Variants in FGA observed in about 807,000 individuals in gnomAD.
FGA encodes fibrinogen, A alpha polypeptide.
A neutral mutation model predicts 20.3 loss-of-function variants in FGA; 20 were observed. That is an observed-to-expected ratio of 0.99 (90% CI 0.69 to 1.43). The LOEUF (loss-of-function observed/expected upper bound fraction) is 1.43, where lower values mean the gene tolerates loss of function less well. FGA is among the 40% of genes most tolerant of loss of function. FGA has a pLI of 0.00. For synonymous variants in FGA, 306 were observed against 281.6 expected, an observed-to-expected ratio of 1.09 and a Z score of -0.87; for missense variants, 777 against 784.7, an observed-to-expected ratio of 0.99 and a Z score of 0.12.
rs1295004404 is a variant in FGA at position 154,590,724 on chromosome 4, C to G, written c.-37G>C. On this transcript the variant is annotated 5_prime_UTR_variant, in exon 1 of 5. Coordinates refer to ENST00000403106, the MANE Select transcript of FGA (RefSeq NM_021871.4). Reference sequence around the variant, plus strand: ...GTGGGGCTGGCTCCTGAGGAGCACTCCAGCTGAAAGAAAGGATTGCTGCCA... The same window carrying G: ...GTGGGGCTGGCTCCTGAGGAGCACTGCAGCTGAAAGAAAGGATTGCTGCCA... The G allele has an allele frequency of 2.7e-6, 4 of 1,499,056 alleles. No homozygotes were observed. Among genetic ancestry groups the G allele is most frequent in the Non-Finnish European group, 2.7e-6 (3 of 1,099,044 alleles). 92.9% of individuals were successfully genotyped at this position (1,499,056 alleles called of 1,614,324 possible).
intron 3 of FGA, 110 bp from the exon 4 acceptor site, chr4:154,587,767 GAAA>G (rs1292376086): frequency 6.3e-6 from 4 of 632,894 alleles, no homozygotes; most frequent in Non-Finnish European, 1.1e-5. Flanking sequence ...AAGAAAGAAA[GAAA>G]GAAAGAAAGA....
intron 3 of FGA, 127 bp from the exon 4 acceptor site, chr4:154,587,784 AAAG>A (rs1730771668): frequency 1.4e-6 from 1 of 727,490 alleles, no homozygotes; most frequent in African/African-American, 1.8e-5. Context: ...AGAAAGAAAG[AAAG>A]AAAGAAAGAA....
In FGA at chr4:154,587,688, C is replaced by T. The variant is rs765774596; in HGVS notation, c.365-31G>A. ...ATCGAAAATATGGTTATTGAAGTAG[C>T]TGCTGAGTGATTTGTCTGTAATTGC... On this transcript the variant is annotated intron_variant, in intron 3 of 4. Coordinates refer to ENST00000403106, the MANE Select transcript of FGA (RefSeq NM_021871.4). The T allele has an allele frequency of 3.1e-6, 5 of 1,603,610 alleles. No homozygotes were observed. The African/African-American group carries it at 6.8e-5, about 22-fold the overall frequency.
downstream of FGA, chr4:154,584,790 A>C: frequency 6.2e-7 from 1 of 1,614,044 alleles, no homozygotes. Flanking sequence ...TGAAAATGCC[A>C]CTTTGGGTAC....
chr4:154,587,305 A>G (rs1730750658), intron 4 of FGA, among the ~76,000 whole-genome samples: 1 of 152,168 alleles, frequency 6.6e-6, no homozygotes, highest in Admixed American at 6.5e-5. Context: ...TTTGAAATTT[A>G]CTATCTATGT....
chr4:154,584,829 A>G (rs1244146664), downstream of FGA: 4 of 1,609,970 alleles, frequency 2.5e-6, no homozygotes, highest in African/African-American at 4.0e-5. Context: ...GGACATCATC[A>G]CAGTCTAAAA....
At chr4:154,584,652 G>T, downstream of FGA, 5 of 1,614,076 alleles carry the variant, frequency 3.1e-6, no homozygotes, top group Non-Finnish European at 4.2e-6. Flanking sequence ...CTCTCTTGTA[G>T]TCTTGCCAGG....
Position 154,590,653 on chromosome 4 carries a change from C to G in FGA, c.35G>C (p.Ser12Thr). Residue 12 changes from serine to threonine, a missense_variant, in exon 1 of 5, where the codon AGT (serine) becomes ACT (threonine). Ser to Thr is a moderately conservative substitution (Grantham distance 58). Coordinates refer to ENST00000403106, the MANE Select transcript of FGA (RefSeq NM_021871.4). ...FSMRIVCLVL[S>T]VVGTAWTADS... The stretch of plus-strand genomic sequence containing the variant: ...CCATACCCATGCTGTGCCCACCACA[C>G]TTAGGACCAGGCAGACGATCCTCAT... 6.4e-7 allele frequency: 1 copy of G among 1,558,724 alleles called. No homozygotes were observed. The highest frequency in any genetic ancestry group is 8.7e-7 in the Non-Finnish European group (1 of 1,150,518).
chr4:154,589,519 C>G lies in FGA; in HGVS notation c.98G>C (p.Gly33Ala), dbSNP rs1286361834. Residue 33 changes from glycine to alanine, a missense_variant, in exon 2 of 5, where the codon GGC (glycine) becomes GCC (alanine). By Grantham distance (60) the Gly-to-Ala change is moderately conservative. Transcript: ENST00000403106. ...GEGDFLAEGGGVRGPRVVERH... is the reference protein window; with the variant it reads ...GEGDFLAEGGAVRGPRVVERH... ...TTCCACAACCCTTGGGCCACGCACG[C>G]CTCCTCCTTCAGCTAGAAAGTCACC... 6.2e-7 allele frequency: 1 copy of G among 1,613,940 alleles called. No individual in the cohort carries two copies. Among genetic ancestry groups the G allele is most frequent in the East Asian group, 2.2e-5 (1 of 44,874 alleles).
intron 3 of FGA, 138 bp from the exon 4 acceptor site, chr4:154,587,795 G>GAAAC: frequency 7.2e-6 from 5 of 692,898 alleles, no homozygotes; most frequent in South Asian, 6.8e-5. Context: ...AAGAAAGAAA[G>GAAAC]AAAGAAAGAG....
rs121909606 is a variant in FGA, at chr4:154,589,514, G to A, written c.103C>T (p.Arg35Cys). Residue 35 changes from arginine to cysteine, a missense_variant, in exon 2 of 5, where the codon CGT (arginine) becomes TGT (cysteine). Arg to Cys is a radical substitution (Grantham distance 180). Coordinates refer to ENST00000403106, the MANE Select transcript of FGA (RefSeq NM_021871.4). ...TGTCTTTCCACAACCCTTGGGCCAC[G>A]CACGCCTCCTCCTTCAGCTAGAAAG... ...GDFLAEGGGV[R>C]GPRVVERHQS... The A allele has an allele frequency of 2.5e-6, 4 of 1,613,694 alleles. No individual in the cohort carries two copies. The highest frequency in any genetic ancestry group is 1.3e-5 in the African/African-American group (1 of 74,894).
At chr4:154,589,223 A>G (rs1206611000) in intron 2 of FGA, among the ~76,000 whole-genome samples, 4 of 152,190 alleles carry the variant, frequency 2.6e-5, no homozygotes, top group South Asian at 2.1e-4. Context: ...TGAGCATGCA[A>G]CTGAAATCCT....
At chr4:154,585,273 A>T (rs1730677736), downstream of FGA, 1 of 1,353,160 alleles carries the variant, frequency 7.4e-7, no homozygotes, top group South Asian at 1.7e-5. Flanking sequence ...GTTTCAGAGG[A>T]ATTCATTCAT....
chr4:154,587,216 T>C (rs553239956), intron 4 of FGA, among the ~76,000 whole-genome samples: 5 of 152,304 alleles, frequency 3.3e-5, no homozygotes, highest in Admixed American at 2.0e-4. Flanking sequence ...TAAATGATCC[T>C]TGGTGAAACT....
At chr4:154,587,039 A>G (rs1730745455) in intron 4 of FGA, 121 bp from the exon 5 acceptor site, 10 of 932,748 alleles carry the variant, frequency 1.1e-5, no homozygotes, top group Non-Finnish European at 1.7e-5. Flanking sequence ...TGACTCGGAG[A>G]CCTACCACTT....
intron 2 of FGA, 125 bp from the exon 3 acceptor site, chr4:154,589,101 A>G: frequency 1.2e-6 from 1 of 853,840 alleles, no homozygotes; most frequent in Non-Finnish European, 1.9e-6. Context: ...GCTTAAAAGT[A>G]GGTAAGAGGA....
In FGA at chr4:154,586,567, T is replaced by C. The variant is rs2110812147; in HGVS notation, c.862A>G (p.Asn288Asp). Reference protein sequence around the residue: ...GTGSETESPRNPSSAGSWNSG... With the variant: ...GTGSETESPRDPSSAGSWNSG... ...TTCCAGCTTCCAGCACTGCTAGGGTTCCTGGGGCTTTCCGTCTCTGATCCG... is the reference window on the plus strand; with the variant it reads ...TTCCAGCTTCCAGCACTGCTAGGGTCCCTGGGGCTTTCCGTCTCTGATCCG... The change falls in exon 5 of 5, where the codon AAC becomes GAC. Residue 288 changes from asparagine to aspartate, a missense_variant. Asn to Asp is a conservative substitution (Grantham distance 23, BLOSUM62 1). Coordinates refer to ENST00000403106, the MANE Select transcript of FGA (RefSeq NM_021871.4). 1.2e-6 allele frequency: 2 copies of C among 1,614,032 alleles called. 1 individual carries two copies.
At chr4:154,584,928 T>C (rs183162906), downstream of FGA, 58 of 944,512 alleles carry the variant, frequency 6.1e-5, no homozygotes, top group Admixed American at 2.5e-4. Flanking sequence ...ATACTGTTTC[T>C]TTCCCTTCCT....
chr4:154,587,805 G>GAA, intron 3 of FGA, 148 bp from the exon 4 acceptor site: 6 of 518,252 alleles, frequency 1.2e-5, no homozygotes, highest in Non-Finnish European at 1.9e-5. Context: ...GAAAGAAAGA[G>GAA]AAAAAAGAAA....
Sources: gnomAD v4.1 joint callset for allele counts (sites outside exome capture counted in the v4.1 genomes callset) on GRCh38, gnomAD v4.1.1 for gene constraint, MANE v1.5 for transcripts, NCBI Gene and HGNC (gene_info 2026-07-23, HGNC 2026-07-21) for gene names.